FRRS1: variants seen among roughly 807,000 people sequenced by gnomAD.
The protein encoded by FRRS1 is ferric chelate reductase 1.
FRRS1 carries 51 observed loss-of-function variants against 70.7 expected under a neutral mutation model. That is an observed-to-expected ratio of 0.72 (90% confidence interval 0.58 to 0.91). The LOEUF (loss-of-function observed/expected upper bound fraction) is 0.91. Among genes scored for constraint, FRRS1 ranks in the 40% least tolerant of loss-of-function variants. The pLI is 0.00. For synonymous variants in FRRS1, 225 were observed against 238.7 expected (o/e 0.94, Z 0.53); for missense variants, 672 against 726.0 (o/e 0.93, Z 0.86).
chr1:99,760,087 T>A (rs1657040733), intron 1 of FRRS1, among the ~76,000 whole-genome samples: 2 of 152,296 alleles, frequency 1.3e-5, no homozygotes, highest in South Asian at 4.1e-4. Flanking sequence ...AGAGACTGAA[T>A]AGCAATGTAG....
In FRRS1 at chr1:99,740,735, C is replaced by G; in HGVS notation, c.576+58G>C. The G allele has an allele frequency of 3.3e-6, 4 of 1,226,176 alleles. No individual in the cohort carries two copies. In the Admixed American group the frequency reaches 5.2e-5, roughly 16 times the overall value. The allele number at this position is 1,226,176 out of a possible 1,614,324, so 76.0% of individuals were successfully genotyped here. A position where few individuals can be genotyped will look rare whatever the true frequency, so the allele number is the denominator to read the frequency against. ...TCACTTGAGCTCAGGAGTTCGAGAC[C>G]GGCCTGGGCAACATGGTGAAACCCC... On this transcript the variant is annotated intron_variant, in intron 6 of 16. Coordinates refer to ENST00000646001, the MANE Select transcript of FRRS1 (RefSeq NM_001361041.2).
chr1:99,728,677 C>T, intron 8 of FRRS1, 37 bp from the exon 9 acceptor site: 4 of 1,580,816 alleles, frequency 2.5e-6, no homozygotes, highest in Non-Finnish European at 3.5e-6. Context: ...CAGCACTTTC[C>T]AAAGATTTGC....
chr1:99,710,433 G>A (rs1654219697), intron 15 of FRRS1, among the ~76,000 whole-genome samples: 1 of 152,148 alleles, frequency 6.6e-6, no homozygotes, highest in Admixed American at 6.5e-5. Context: ...ATAGGTCAAA[G>A]TTGTCTGCAC....
intron 13 of FRRS1, 75 bp from the exon 14 acceptor site, chr1:99,712,238 T>C (rs956285878): frequency 9.3e-7 from 1 of 1,078,406 alleles, no homozygotes; most frequent in Non-Finnish European, 1.4e-6. Context: ...ATAAAAAGCA[T>C]GTAATTTCCT....
chr1:99,760,134 G>C, intron 1 of FRRS1, among the ~76,000 whole-genome samples: 1 of 152,316 alleles, frequency 6.6e-6, no homozygotes, highest in African/African-American at 2.4e-5. Context: ...CAGAAAGAAT[G>C]AATGTAAAAA....
At chr1:99,751,968 T>C (rs1268832875) in intron 1 of FRRS1, among the ~76,000 whole-genome samples, 1 of 152,214 alleles carries the variant, frequency 6.6e-6, no homozygotes, top group Non-Finnish European at 1.5e-5. Context: ...ATCAGCAAAA[T>C]AAATGACAAG....
At chr1:99,711,060 AAAG>A (rs1654250960) in intron 14 of FRRS1, 111 bp from the exon 15 acceptor site, 2 of 919,600 alleles carry the variant, frequency 2.2e-6, no homozygotes, top group Non-Finnish European at 3.2e-6. Context: ...GTTTGAGATA[AAAG>A]AAGATTAATA....
At chr1:99,730,607 C>T (rs1008729695) in intron 7 of FRRS1, among the ~76,000 whole-genome samples, 4 of 152,176 alleles carry the variant, frequency 2.6e-5, no homozygotes, top group African/African-American at 4.8e-5. Flanking sequence ...GTGGCTCACG[C>T]CTGTAGTCCC....
intron 12 of FRRS1, among the ~76,000 whole-genome samples, chr1:99,714,637 G>C (rs1005975158): frequency 3.3e-5 from 5 of 152,228 alleles, no homozygotes; most frequent in Admixed American, 6.5e-5. Flanking sequence ...TGATGACAGT[G>C]ACAAGTGTTG....
chr1:99,754,944 T>A (rs1451319111), intron 1 of FRRS1, among the ~76,000 whole-genome samples: 1 of 152,132 alleles, frequency 6.6e-6, no homozygotes, highest in Non-Finnish European at 1.5e-5. Flanking sequence ...TATACCCCAC[T>A]ATTTATCAAA....
chr1:99,755,094 T>A (rs1656766747), intron 1 of FRRS1, among the ~76,000 whole-genome samples: 1 of 151,986 alleles, frequency 6.6e-6, no homozygotes, highest in Non-Finnish European at 1.5e-5. Context: ...AATAATAATA[T>A]GGTTGATTAT....
At chr1:99,742,477 A>C (rs1332121033) in intron 4 of FRRS1, among the ~76,000 whole-genome samples, 2 of 152,246 alleles carry the variant, frequency 1.3e-5, no homozygotes, top group African/African-American at 2.4e-5. Context: ...CTGTGAATAA[A>C]TGAGAGTCCA....
chr1:99,757,147 T>C (rs1036636541), intron 1 of FRRS1, among the ~76,000 whole-genome samples: 1 of 152,104 alleles, frequency 6.6e-6, no homozygotes, highest in Non-Finnish European at 1.5e-5. Flanking sequence ...AAGAAATATT[T>C]TTACATTATA....
In FRRS1 at chr1:99,706,156, G is replaced by A. The variant is rs1001570756; in HGVS notation, c.*2872C>T. ...AATCCCAACACTTTGGGAGTCTGAG[G>A]CAAGGGGATTGCTTGAGCCCAGGAG... On this transcript the variant is annotated 3_prime_UTR_variant, in exon 17 of 17. Coordinates refer to ENST00000646001, the MANE Select transcript of FRRS1 (RefSeq NM_001361041.2). Among the ~76,000 whole-genome samples the A allele has an allele frequency of 2.6e-5, 4 of 151,804 alleles. No homozygotes were observed. Among genetic ancestry groups the A allele is most frequent in the Admixed American group, 6.6e-5 (1 of 15,262 alleles).
intron 1 of FRRS1, among the ~76,000 whole-genome samples, chr1:99,762,745 G>C (rs1657170802): frequency 6.6e-6 from 1 of 152,062 alleles, no homozygotes; most frequent in Admixed American, 6.6e-5. Context: ...TTTCTCATCA[G>C]CAGGATTTCA....
chr1:99,736,059 T>C (rs2100954374), intron 7 of FRRS1, among the ~76,000 whole-genome samples: 1 of 152,318 alleles, frequency 6.6e-6, no homozygotes, highest in Non-Finnish European at 1.5e-5. Flanking sequence ...ATTTTCAGAA[T>C]TTCCTTTCTA....
Position 99,738,087 on chromosome 1 carries a change from A to T in FRRS1, c.758T>A (p.Met253Lys). 3.7e-6 allele frequency: 6 copies of T among 1,608,680 alleles called. No homozygotes were observed. The highest frequency in any genetic ancestry group is 5.1e-6 in the Non-Finnish European group (6 of 1,176,468). The change falls in exon 7 of 17, where the codon ATG (methionine) becomes AAG (lysine). Residue 253 changes from methionine to lysine, a missense_variant and splice_region_variant. Coordinates refer to ENST00000646001, the MANE Select transcript of FRRS1 (RefSeq NM_001361041.2). The stretch of plus-strand genomic sequence containing the variant: ...CTTATGTAAGTGAGAGGTACCAACC[A>T]TCCACTGATCATGAGACAATGCAAA... Reference protein sequence around the residue: ...LSFALSHDQWMGDDDAYLCIH... With the variant: ...LSFALSHDQWKGDDDAYLCIH...
At chr1:99,712,369 T>C (rs2100901593) in intron 13 of FRRS1, 49 bp downstream of exon 13, 1 of 1,294,130 alleles carries the variant, frequency 7.7e-7, no homozygotes, top group African/African-American at 1.5e-5. Context: ...GTTTGCCAAC[T>C]AATGATATCT....
At chr1:99,723,303 C>T (rs2100926307) in intron 9 of FRRS1, among the ~76,000 whole-genome samples, 1 of 152,206 alleles carries the variant, frequency 6.6e-6, no homozygotes, top group East Asian at 1.9e-4. Context: ...TCAGCTTGAG[C>T]CGGGGAGTTG....
Sources: allele counts gnomAD v4.1 joint callset (sites outside exome capture counted in the v4.1 genomes callset), GRCh38; gene constraint gnomAD v4.1.1; transcripts MANE v1.5; gene names NCBI Gene and HGNC (gene_info 2026-07-23, HGNC 2026-07-21).